Variants in PTGR2 observed in about 807,000 individuals in gnomAD.
PTGR2 encodes 15-oxoprostaglandin 13-reductase.
PTGR2 carries 32 observed loss-of-function variants against 43.4 expected under a neutral mutation model. The observed-to-expected ratio is 0.74, with a 90% CI of 0.56 to 0.99. PTGR2 has a LOEUF of 0.99. Ranked by LOEUF, PTGR2 falls within the 50% of genes least tolerant of loss-of-function variation. PTGR2 has a pLI of 0.00. For missense variants in PTGR2, 373 were observed against 420.0 expected (o/e 0.89, Z 0.98); for synonymous variants, 106 against 139.2 (o/e 0.76, Z 1.68).
intron 3 of PTGR2, chr14:73,861,555 G>A (rs1456417672): frequency 3.3e-5 from 5 of 152,244 alleles, no homozygotes; most frequent in Admixed American, 2.6e-4. Context: ...GGACAAGAGA[G>A]TGAGACCCAG....
At chr14:73,859,495 A>G (rs2054436401) in intron 2 of PTGR2, among the ~76,000 whole-genome samples, 1 of 152,068 alleles carries the variant, frequency 6.6e-6, no homozygotes, top group African/African-American at 2.4e-5. Context: ...AGTACCTTCT[A>G]GTGGTAACCT....
chr14:73,877,246 G>GTA (rs1265807380), intron 5 of PTGR2, 78 bp downstream of exon 5: 21 of 1,243,990 alleles, frequency 1.7e-5, no homozygotes, highest in Non-Finnish European at 2.1e-5. Flanking sequence ...CCGGATATAT[G>GTA]TATACCATTA....
rs952532726 is a variant in PTGR2 at position 73,882,346 on chromosome 14, T to A, written c.940-53T>A. On this transcript the variant is annotated intron_variant, in intron 8 of 9. Coordinates refer to ENST00000555661, the MANE Select transcript of PTGR2 (RefSeq NM_001146154.2). Reference sequence around the variant, plus strand: ...GCTTTTGTAAGTATGGAAACTATCATATAGAAACATTGAAGTTTAAAGACT... The same window carrying A: ...GCTTTTGTAAGTATGGAAACTATCAAATAGAAACATTGAAGTTTAAAGACT... The A allele has an allele frequency of 5.5e-6, 6 of 1,095,248 alleles. No homozygotes were observed. The African/African-American group carries it at 9.4e-5, about 17-fold the overall frequency. The allele number at this position is 1,095,248 out of a possible 1,614,324, so 67.8% of individuals were successfully genotyped here. A position where few individuals can be genotyped will look rare whatever the true frequency, so the allele number is the denominator to read the frequency against.
At chr14:73,854,004 A>T (rs1323306970) in intron 1 of PTGR2, among the ~76,000 whole-genome samples, 1 of 152,092 alleles carries the variant, frequency 6.6e-6, no homozygotes, top group Non-Finnish European at 1.5e-5. Context: ...GATGAATTTA[A>T]CAATCTACCC....
At chr14:73,875,327 A>G (rs2054833832) in intron 4 of PTGR2, among the ~76,000 whole-genome samples, 1 of 151,328 alleles carries the variant, frequency 6.6e-6, no homozygotes, top group Non-Finnish European at 1.5e-5. Flanking sequence ...ATTAGTAATG[A>G]GAACTGTTGG....
chr14:73,870,325 C>G (rs146621337), intron 3 of PTGR2, among the ~76,000 whole-genome samples: 4,667 of 150,998 alleles, frequency 0.031, 104 homozygotes, highest in Middle Eastern at 0.079. Flanking sequence ...ATTACAGATG[C>G]CTGCCACCAC....
chr14:73,856,056 A>G (rs75304016), intron 1 of PTGR2, among the ~76,000 whole-genome samples: 4,253 of 144,872 alleles, frequency 0.029, 87 homozygotes, highest in Middle Eastern at 0.096. Context: ...ACTCTGTTTC[A>G]AAAAAAAAAG....
At position 73,885,701 on chromosome 14, in the gene PTGR2, C is replaced by A. The variant is rs935249567; in HGVS notation, c.*1524C>A. The A allele has an allele frequency of 1.3e-5, 2 of 152,218 alleles. No individual in the cohort carries two copies. Among genetic ancestry groups the A allele is most frequent in the Non-Finnish European group, 2.9e-5 (2 of 68,088 alleles). The allele number at this position is 152,218 out of a possible 1,614,324, so 9.4% of individuals were successfully genotyped here. ...CTCTTTCTTGAGCACTGGACCTTTACCTCCAAGTAAATATCCTCAACTCTG... is the reference window on the plus strand; with the variant it reads ...CTCTTTCTTGAGCACTGGACCTTTAACTCCAAGTAAATATCCTCAACTCTG... On this transcript the variant is annotated 3_prime_UTR_variant, in exon 10 of 10. Transcript: ENST00000555661.
Position 73,858,854 on chromosome 14 carries a change from A to G in PTGR2, c.-9A>G, listed in dbSNP as rs200804980. On this transcript the variant is annotated 5_prime_UTR_variant, in exon 2 of 10. Transcript: ENST00000555661. Reference sequence around the variant, plus strand: ...AGAAATCTTGTGAAACCACTGCCCAACCAGAGCAATGATTGTTCAAAGAGT... The same window carrying G: ...AGAAATCTTGTGAAACCACTGCCCAGCCAGAGCAATGATTGTTCAAAGAGT... 1.5e-4 allele frequency: 243 copies of G among 1,609,608 alleles called. No individual in the cohort carries two copies. The highest frequency in any genetic ancestry group is 2.0e-4 in the Non-Finnish European group (239 of 1,177,256).
intron 1 of PTGR2, among the ~76,000 whole-genome samples, chr14:73,855,563 C>T (rs976345922): frequency 9.9e-5 from 15 of 151,886 alleles, no homozygotes; most frequent in African/African-American, 3.6e-4. Flanking sequence ...TCTCCTGCCT[C>T]AGTCTCTGAG....
rs2054925762 is a variant in PTGR2 at position 73,879,149 on chromosome 14, G to T, written c.573G>T (p.Glu191Asp). ...SRVVGICGTH[E>D]KCILLTSELG... is the part of the protein sequence containing the mutation. ...TGGTGGGAATTTGTGGAACACATGA[G>T]AAATGCATCCTCTTGACCTCAGAAC... The change falls in exon 6 of 10, where the codon GAG becomes GAT. Residue 191 changes from glutamate to aspartate, a missense_variant. By Grantham distance (45) the Glu-to-Asp change is conservative (BLOSUM62 2). Transcript: ENST00000555661. 1.2e-6 allele frequency: 2 copies of T among 1,613,988 alleles called. No homozygotes were observed. Among genetic ancestry groups the T allele is most frequent in the African/African-American group, 1.3e-5 (1 of 74,902 alleles).
chr14:73,880,294 C>A, intron 7 of PTGR2, 118 bp downstream of exon 7: 1 of 1,256,556 alleles, frequency 8.0e-7, no homozygotes, highest in Non-Finnish European at 1.1e-6. Context: ...AACTTTAGGT[C>A]GGGCATAGTG....
In PTGR2 at chr14:73,877,188, T is replaced by C. The variant is rs1380236500; in HGVS notation, c.519+20T>C. ...GGGCAGGTAAACTTTCTGAGAATTA[T>C]TTGATTTTCTGATTATTTGACGATT... On this transcript the variant is annotated intron_variant, in intron 5 of 9. Coordinates refer to ENST00000555661, the MANE Select transcript of PTGR2 (RefSeq NM_001146154.2). 15 of 1,589,252 alleles carry C rather than the reference T, an allele frequency of 9.4e-6. No individual in the cohort carries two copies. The highest frequency in any genetic ancestry group is 2.2e-5 in the East Asian group (1 of 44,710).
At position 73,881,772 on chromosome 14, in the gene PTGR2, C is replaced by CTTTT. The variant is rs57377878; in HGVS notation, c.939+506_939+509dup. Reference sequence around the variant, plus strand: ...TTCAGACATACTGGCCTAGGCTATTCTTTTTTTTTTTTTTTTTTTTTTTTT... The same window carrying CTTTT: ...TTCAGACATACTGGCCTAGGCTATTCTTTTTTTTTTTTTTTTTTTTTTTTTTTTT... On this transcript the variant is annotated intron_variant, in intron 8 of 9. Coordinates refer to ENST00000555661, the MANE Select transcript of PTGR2 (RefSeq NM_001146154.2). Among the ~76,000 whole-genome samples, 18 of 69,264 alleles carry CTTTT rather than the reference C, an allele frequency of 2.6e-4. 3 individuals are homozygous for CTTTT. Among genetic ancestry groups the CTTTT allele is most frequent in the African/African-American group, 8.9e-4 (13 of 14,566 alleles). The allele number at this position is 69,264 out of a possible 152,430, so 45.4% of individuals were successfully genotyped here. A position where few individuals can be genotyped will look rare whatever the true frequency, so the allele number is the denominator to read the frequency against.
rs1595337110 is a variant in PTGR2, at chr14:73,851,867, G to C, written c.-124G>C. The stretch of plus-strand genomic sequence containing the variant: ...TACTGCGGTCAGAGGGCCGAGGCCT[G>C]GGGGCGAGCTGGGGTCGTGCAGTAC... On this transcript the variant is annotated 5_prime_UTR_variant, in exon 1 of 10. Transcript: ENST00000555661. 6.6e-6 allele frequency: 1 copy of C among 152,308 alleles called. No homozygotes were observed. Among genetic ancestry groups the C allele is most frequent in the Non-Finnish European group, 1.5e-5 (1 of 68,130 alleles). 9.4% of individuals were successfully genotyped at this position (152,308 alleles called of 1,614,324 possible).
chr14:73,872,376 G>C (rs1419906718), intron 3 of PTGR2, among the ~76,000 whole-genome samples: 2 of 152,178 alleles, frequency 1.3e-5, no homozygotes, highest in Non-Finnish European at 2.9e-5. Flanking sequence ...AAGTTTTATG[G>C]TGTATATGTT....
At chr14:73,864,246 A>G (rs1186163005) in intron 3 of PTGR2, among the ~76,000 whole-genome samples, 1 of 152,240 alleles carries the variant, frequency 6.6e-6, no homozygotes, top group Non-Finnish European at 1.5e-5. Flanking sequence ...TACTTCTGCT[A>G]TGAACATTTG....
At chr14:73,874,280 T>C in intron 4 of PTGR2, 66 bp downstream of exon 4, 1 of 1,233,408 alleles carries the variant, frequency 8.1e-7, no homozygotes, top group South Asian at 1.4e-5. Flanking sequence ...GCATTTGATA[T>C]TCAGTTGTGT....
Position 73,877,086 on chromosome 14 carries a change from A to C in PTGR2, c.437A>C (p.Glu146Ala). ...TTGACTTCCTTGATTGGGATACAGG[A>C]AAAAGGTCATATAACTGCTGGATCT... ...PGLTSLIGIQ[E>A]KGHITAGSNK... Residue 146 changes from glutamate to alanine, a missense_variant, in exon 5 of 10, where the codon GAA becomes GCA. Coordinates refer to ENST00000555661, the MANE Select transcript of PTGR2 (RefSeq NM_001146154.2). The C allele has an allele frequency of 6.2e-7, 1 of 1,612,910 alleles. No homozygotes were observed. Among genetic ancestry groups the C allele is most frequent in the Non-Finnish European group, 8.5e-7 (1 of 1,179,044 alleles).
Sources: allele counts gnomAD v4.1 joint callset (sites outside exome capture counted in the v4.1 genomes callset), GRCh38; gene constraint gnomAD v4.1.1; transcripts MANE v1.5; gene names NCBI Gene and HGNC (gene_info 2026-07-23, HGNC 2026-07-21).